Variants in RNF111 observed in about 807,000 individuals in gnomAD.
RNF111 encodes the protein ring finger protein 111, also known as E3 ubiquitin-protein ligase Arkadia.
A neutral mutation model predicts 95.1 loss-of-function variants in RNF111; 17 were observed. The observed-to-expected ratio is 0.18, with a 90% CI of 0.12 to 0.27. The LOEUF is 0.27. Among genes scored for constraint, RNF111 ranks in the 10% least tolerant of loss-of-function variants. The pLI, the probability that RNF111 is intolerant of heterozygous loss-of-function variation, is 1.00. For missense variants in RNF111, 1,189 were observed against 1,210.4 expected, an observed-to-expected ratio of 0.98 and a Z score of 0.26; for synonymous variants, 440 against 414.8, an observed-to-expected ratio of 1.06 and a Z score of -0.74.
intron 5 of RNF111, among the ~76,000 whole-genome samples, chr15:59,058,893 AAGAC>A (rs2042313504): frequency 6.6e-6 from 1 of 152,188 alleles, no homozygotes; most frequent in East Asian, 1.9e-4. Flanking sequence ...AAGACAGTGA[AAGAC>A]AGCCTACAGA....
intron 5 of RNF111, among the ~76,000 whole-genome samples, chr15:59,061,458 G>A (rs79401035): frequency 6.4e-4 from 97 of 152,162 alleles, no homozygotes; most frequent in African/African-American, 2.0e-3. Flanking sequence ...GTTCCCTTTC[G>A]TTCCTCTAAG....
intron 6 of RNF111, among the ~76,000 whole-genome samples, chr15:59,070,029 C>CCCCCCTTTTTTTTT (rs2042842652): frequency 4.4e-5 from 1 of 22,678 alleles, no homozygotes; most frequent in African/African-American, 2.3e-4. Context: ...CCACCTCCTG[C>CCCCCCTTTTTTTTT]TTTTTTTTTT....
intron 9 of RNF111, 21 bp downstream of exon 9, chr15:59,084,275 CA>C: frequency 6.4e-7 from 1 of 1,558,090 alleles, no homozygotes; most frequent in Non-Finnish European, 8.7e-7. Flanking sequence ...TCTTTAATTT[CA>C]AAACAGTGCT....
chr15:59,068,066 T>G (rs545086482), intron 6 of RNF111, among the ~76,000 whole-genome samples: 186 of 152,320 alleles, frequency 1.2e-3, no homozygotes, highest in Non-Finnish European at 2.0e-3. Context: ...ACTTTTGTTA[T>G]GTCACTTCCA....
chr15:59,084,840 G>C (rs1177844023), intron 9 of RNF111, among the ~76,000 whole-genome samples: 2 of 151,826 alleles, frequency 1.3e-5, no homozygotes, highest in African/African-American at 4.8e-5. Flanking sequence ...AGGTTTTTTA[G>C]AGTTCCCATG....
rs71425836 is a variant in RNF111 at position 59,012,003 on chromosome 15, C to CTTTTTTTTTTTTTTTTTTT, written c.-19-18790_-19-18772dup. Among the ~76,000 whole-genome samples the CTTTTTTTTTTTTTTTTTTT allele has an allele frequency of 3.2e-4, 13 of 40,452 alleles. 2 individuals are homozygous for CTTTTTTTTTTTTTTTTTTT. The highest frequency in any genetic ancestry group is 1.0e-3 in the East Asian group (1 of 990). The allele number at this position is 40,452 out of a possible 152,430, so 26.5% of individuals were successfully genotyped here. On this transcript the variant is annotated intron_variant, in intron 1 of 13. Transcript: ENST00000348370. ...TTAGTGTTCTTTTTTGTTTGTTTGC[C>CTTTTTTTTTTTTTTTTTTT]TTTTTTTTTTTTTTTTTTTTTTTTT...
chr15:59,031,257 G>A lies in RNF111; in HGVS notation c.435G>A (p.Leu145=). The A allele has an allele frequency of 6.2e-7, 1 of 1,614,142 alleles. No homozygotes were observed. The stretch of plus-strand genomic sequence containing the variant: ...GTCTTTCTTCTCCTTCATCTAGTCT[G>A]CATTTTGGAGATTCTGATACTGTGA... ...SDCLSSPSSS[L]HFGDSDTVTS... The change falls in exon 2 of 14, where the codon CTG becomes CTA. Residue 145 remains leucine, a synonymous_variant. Transcript: ENST00000348370.
chr15:59,014,540 A>C (rs2039977455), intron 1 of RNF111, among the ~76,000 whole-genome samples: 2 of 152,206 alleles, frequency 1.3e-5, no homozygotes, highest in African/African-American at 4.8e-5. Flanking sequence ...AGCTTTTCAA[A>C]AGCATTTTTC....
Position 59,085,700 on chromosome 15 carries a change from C to T in RNF111, c.2465C>T (p.Thr822Ile), listed in dbSNP as rs2078877701. ...IEAGVTAATY[T>I]PGALHPHLAH... ...GCTGGAGTGACTGCAGCTACTTATA[C>T]ACCTGGTGCATTGCATCCTCACTTG... Residue 822 changes from threonine (T) to isoleucine (I), a missense_variant, in exon 10 of 14, where the codon ACA (threonine) becomes ATA (isoleucine). By Grantham distance (89) the Thr-to-Ile change is moderately conservative (BLOSUM62 -1). Coordinates refer to ENST00000348370, the MANE Select transcript of RNF111 (RefSeq NM_017610.8). The T allele has an allele frequency of 2.5e-6, 4 of 1,613,456 alleles. No individual in the cohort carries two copies. Among genetic ancestry groups the T allele is most frequent in the Non-Finnish European group, 1.7e-6 (2 of 1,179,646 alleles).
chr15:59,095,864 G>A lies in RNF111; in HGVS notation c.*964G>A. 2.5e-6 allele frequency: 1 copy of A among 396,072 alleles called. No homozygotes were observed. The highest frequency in any genetic ancestry group is 6.3e-4 in the Middle Eastern group (1 of 1,576). 24.5% of individuals were successfully genotyped at this position (396,072 alleles called of 1,614,324 possible). On this transcript the variant is annotated 3_prime_UTR_variant, in exon 14 of 14. Transcript: ENST00000348370. ...TCAAGATTTGGAATTTAAGTCACTG[G>A]CAGGTATCTGTGCATTCATAGAACT... is the stretch of plus-strand genomic sequence containing the variant.
chr15:59,005,885 A>G (rs777178689), intron 1 of RNF111, among the ~76,000 whole-genome samples: 17 of 152,204 alleles, frequency 1.1e-4, no homozygotes, highest in Admixed American at 4.6e-4. Flanking sequence ...CATTTTTCAG[A>G]TGAGGAAATT....
At chr15:59,092,712 C>G in intron 13 of RNF111, 72 bp downstream of exon 13, 3 of 1,411,912 alleles carry the variant, frequency 2.1e-6, no homozygotes, top group Non-Finnish European at 2.9e-6. Flanking sequence ...AAGTAAATTA[C>G]ACCGGGCATG....
chr15:59,000,828 A>G (rs2039295035), intron 1 of RNF111, among the ~76,000 whole-genome samples: 1 of 152,204 alleles, frequency 6.6e-6, no homozygotes, highest in South Asian at 2.1e-4. Context: ...TGATTATTTT[A>G]AAGAACAATT....
At chr15:59,013,698 A>G (rs1228929997) in intron 1 of RNF111, among the ~76,000 whole-genome samples, 1 of 151,986 alleles carries the variant, frequency 6.6e-6, no homozygotes, top group Non-Finnish European at 1.5e-5. Flanking sequence ...TTAAGTTTCA[A>G]CTCCTGAACG....
chr15:59,085,258 T>C (rs2078864445), intron 9 of RNF111, among the ~76,000 whole-genome samples: 1 of 152,220 alleles, frequency 6.6e-6, no homozygotes, highest in Admixed American at 6.5e-5. Flanking sequence ...GTCCTTAATG[T>C]CAACAACCAA....
At chr15:59,019,783 A>G (rs549475997) in intron 1 of RNF111, among the ~76,000 whole-genome samples, 20 of 151,842 alleles carry the variant, frequency 1.3e-4, no homozygotes, top group African/African-American at 4.8e-4. Context: ...ACGTGGTAAA[A>G]CCCTGTCTTT....
chr15:59,015,728 C>T (rs1193422286), intron 1 of RNF111, among the ~76,000 whole-genome samples: 8 of 152,098 alleles, frequency 5.3e-5, no homozygotes, highest in Non-Finnish European at 1.0e-4. Flanking sequence ...CGCCCACCGT[C>T]ACCCTGTGCA....
chr15:59,023,341 A>G (rs1458152559), intron 1 of RNF111, among the ~76,000 whole-genome samples: 2 of 152,242 alleles, frequency 1.3e-5, no homozygotes, highest in East Asian at 3.9e-4. Flanking sequence ...AATTTCCCAT[A>G]AATTTTTGCG....
intron 1 of RNF111, among the ~76,000 whole-genome samples, chr15:59,020,301 A>G (rs1157589870): frequency 6.6e-6 from 1 of 151,294 alleles, no homozygotes; most frequent in African/African-American, 2.4e-5. Context: ...ATATTGTAAT[A>G]TATAGTAATT....
Sources: allele counts gnomAD v4.1 joint callset (sites outside exome capture counted in the v4.1 genomes callset), GRCh38; gene constraint gnomAD v4.1.1; transcripts MANE v1.5; gene names NCBI Gene and HGNC (gene_info 2026-07-23, HGNC 2026-07-21).